Variants in KCNAB1 observed in about 807,000 individuals in gnomAD.
KCNAB1 encodes the protein potassium voltage-gated channel subfamily A regulatory beta subunit 1.
Under a neutral mutation model 64.6 loss-of-function variants are expected in KCNAB1, and 35 were observed. That is an observed-to-expected ratio of 0.54 (90% confidence interval 0.41 to 0.72). KCNAB1 has a LOEUF of 0.72. Among genes scored for constraint, KCNAB1 ranks in the 30% least tolerant of loss-of-function variants. The pLI, the probability that KCNAB1 is intolerant of heterozygous loss-of-function variation, is 0.00. For synonymous variants in KCNAB1, 177 were observed against 183.8 expected, an observed-to-expected ratio of 0.96 and a Z score of 0.30; for missense variants, 401 against 512.9, an observed-to-expected ratio of 0.78 and a Z score of 2.11.
At chr3:156,427,323 G>C (rs1715887833) in intron 2 of KCNAB1, among the ~76,000 whole-genome samples, 1 of 149,656 alleles carries the variant, frequency 6.7e-6, no homozygotes, top group Non-Finnish European at 1.5e-5. Flanking sequence ...TACAGACCCA[G>C]GAACTTCTCA....
intron 1 of KCNAB1, among the ~76,000 whole-genome samples, chr3:156,277,167 G>T (rs1016441043): frequency 2.6e-5 from 4 of 152,144 alleles, no homozygotes; most frequent in African/African-American, 9.7e-5. Context: ...TAGCTGGTTG[G>T]TAGAGCACTG....
In KCNAB1 at chr3:156,243,105, T is replaced by C. The variant is rs904037465; in HGVS notation, c.275+122219T>C. ...TTGTATTTTTAGGAGAGACAGGGTT[T>C]CACCATGTTGGTCAGGCTGGTCTTG... On this transcript the variant is annotated intron_variant, in intron 1 of 13. Transcript: ENST00000490337. Among the ~76,000 whole-genome samples, 9 of 152,238 alleles carry C rather than the reference T, an allele frequency of 5.9e-5. 1 individual carries two copies. The highest frequency in any genetic ancestry group is 2.2e-4 in the African/African-American group (9 of 41,546).
chr3:156,287,058 C>T lies in KCNAB1; in HGVS notation c.276-134558C>T, dbSNP rs1036207266. On this transcript the variant is annotated intron_variant, in intron 1 of 13. Transcript: ENST00000490337. Reference sequence around the variant, plus strand: ...TCCTGCTAAATGGCACACGGGAAGGCGGGGCAGAGTAGAGCTGGGATTCAC... The same window carrying T: ...TCCTGCTAAATGGCACACGGGAAGGTGGGGCAGAGTAGAGCTGGGATTCAC... Among the ~76,000 whole-genome samples, 6 of 152,204 alleles carry T rather than the reference C, an allele frequency of 3.9e-5. No homozygotes were observed. In the East Asian group the frequency reaches 5.8e-4, roughly 15 times the overall value.
rs568990667 is a variant in KCNAB1 at position 156,146,240 on chromosome 3, G to A, written c.275+25354G>A. The stretch of plus-strand genomic sequence containing the variant: ...GTGGTGTAAAAAGTGCCAAGTTGCT[G>A]TGTAGATCCTTCTGTTGGCTTAGAA... On this transcript the variant is annotated intron_variant, in intron 1 of 13. Coordinates refer to ENST00000490337, the MANE Select transcript of KCNAB1 (RefSeq NM_172160.3). Among the ~76,000 whole-genome samples, 3 of 152,292 alleles carry A rather than the reference G, an allele frequency of 2.0e-5. No homozygotes were observed. In the East Asian group the frequency reaches 5.8e-4, roughly 29 times the overall value.
chr3:156,480,860 G>A (rs991880336), intron 8 of KCNAB1, among the ~76,000 whole-genome samples: 13 of 152,046 alleles, frequency 8.6e-5, no homozygotes, highest in African/African-American at 2.7e-4. Flanking sequence ...TGACAGAGCC[G>A]CAGACACATA....
chr3:156,431,219 C>T (rs1431710766), intron 2 of KCNAB1, among the ~76,000 whole-genome samples: 6 of 152,184 alleles, frequency 3.9e-5, no homozygotes, highest in Admixed American at 6.5e-5. Flanking sequence ...AGCAGCCTGA[C>T]TAAGGCACAT....
At chr3:156,426,511 G>A (rs1414201608) in intron 2 of KCNAB1, among the ~76,000 whole-genome samples, 1 of 152,084 alleles carries the variant, frequency 6.6e-6, no homozygotes, top group Non-Finnish European at 1.5e-5. Context: ...TTACATTAGG[G>A]TTCACTATTG....
At chr3:156,358,794 GT>G (rs1275501992) in intron 1 of KCNAB1, among the ~76,000 whole-genome samples, 3 of 152,030 alleles carry the variant, frequency 2.0e-5, no homozygotes, top group Non-Finnish European at 4.4e-5. Context: ...GTGAAACATG[GT>G]TTTGATGAAG....
At chr3:156,222,910 C>A (rs1715874867) in intron 1 of KCNAB1, among the ~76,000 whole-genome samples, 1 of 152,116 alleles carries the variant, frequency 6.6e-6, no homozygotes, top group Non-Finnish European at 1.5e-5. Flanking sequence ...CCTATCAAAA[C>A]CTCTGGGATA....
In KCNAB1 at chr3:156,249,922, GACC is replaced by G. The variant is rs1717725102; in HGVS notation, c.275+129039_275+129041del. Among the ~76,000 whole-genome samples the G allele has an allele frequency of 2.0e-5, 3 of 152,282 alleles. No homozygotes were observed. The East Asian group carries it at 5.8e-4, about 29-fold the overall frequency. ...ACCTTAGCAAGATGAGCCAAAAACT[GACC>G]ACTGGATTTGGCAAAATGAAGATCA... On this transcript the variant is annotated intron_variant, in intron 1 of 13. Transcript: ENST00000490337.
rs541155506 is a variant in KCNAB1 at position 156,489,405 on chromosome 3, C to T, written c.658+14585C>T. Among the ~76,000 whole-genome samples the T allele has an allele frequency of 4.6e-5, 7 of 151,178 alleles. No homozygotes were observed. In the South Asian group the frequency reaches 8.3e-4, roughly 18 times the overall value. ...ACCGATAGGTCAAGTAAGATGAAGA[C>T]GGGATCAGCTATATCAAATGTTACT... is the stretch of plus-strand genomic sequence containing the variant. On this transcript the variant is annotated intron_variant, in intron 8 of 13. Transcript: ENST00000490337.
At chr3:156,359,047 A>C (rs761634391) in intron 1 of KCNAB1, among the ~76,000 whole-genome samples, 1 of 152,218 alleles carries the variant, frequency 6.6e-6, no homozygotes, top group Non-Finnish European at 1.5e-5. Flanking sequence ...AAATAAACCA[A>C]TATTGGGCTT....
chr3:156,531,562 A>C (rs1718703304), intron 13 of KCNAB1, 65 bp downstream of exon 13: 2 of 1,192,408 alleles, frequency 1.7e-6, no homozygotes, highest in Admixed American at 3.4e-5. Flanking sequence ...ATCTCCAGGC[A>C]GTGTCCCATC....
chr3:156,263,639 C>A (rs543741544), intron 1 of KCNAB1, among the ~76,000 whole-genome samples: 2 of 151,980 alleles, frequency 1.3e-5, no homozygotes, highest in East Asian at 3.9e-4. Flanking sequence ...CCTTCAGAAT[C>A]CACCAGGGAT....
chr3:156,488,972 T>C (rs1039358532), intron 8 of KCNAB1, among the ~76,000 whole-genome samples: 3 of 152,066 alleles, frequency 2.0e-5, no homozygotes, highest in African/African-American at 7.2e-5. Flanking sequence ...ACCAAAAGGA[T>C]GGAGTTGCCA....
intron 1 of KCNAB1, among the ~76,000 whole-genome samples, chr3:156,256,803 G>T (rs570013227): frequency 6.6e-6 from 1 of 152,318 alleles, no homozygotes; most frequent in South Asian, 2.1e-4. Context: ...TTTGGTCTCT[G>T]GCTTCTAGTT....
At chr3:156,291,287 C>A (rs2107967773) in intron 1 of KCNAB1, 1 of 989,736 alleles carries the variant, frequency 1.0e-6, no homozygotes, top group East Asian at 1.1e-4. Flanking sequence ...TTGAGGAGCC[C>A]CCACGTCCTC....
At chr3:156,241,042 A>G (rs1422829884) in intron 1 of KCNAB1, among the ~76,000 whole-genome samples, 1 of 152,174 alleles carries the variant, frequency 6.6e-6, no homozygotes, top group East Asian at 1.9e-4. Flanking sequence ...TCAGCCACTT[A>G]CTGAAGGCTG....
intron 1 of KCNAB1, among the ~76,000 whole-genome samples, chr3:156,240,823 G>C (rs1717119780): frequency 6.6e-6 from 1 of 152,178 alleles, no homozygotes; most frequent in South Asian, 2.1e-4. Flanking sequence ...AGTTCATTTG[G>C]GAGGCACAGG....
Sources: allele counts gnomAD v4.1 joint callset (sites outside exome capture counted in the v4.1 genomes callset), GRCh38; gene constraint gnomAD v4.1.1; transcripts MANE v1.5; gene names NCBI Gene and HGNC (gene_info 2026-07-23, HGNC 2026-07-21).